CACNA2D1: variants seen among roughly 807,000 people sequenced by gnomAD.
CACNA2D1 encodes calcium voltage-gated channel auxiliary subunit alpha2delta 1, also known as voltage-dependent calcium channel subunit alpha-2/delta-1.
CACNA2D1 carries 53 observed loss-of-function variants against 171.5 expected under a neutral mutation model. The ratio of observed to expected loss-of-function variants is 0.31; its 90% CI spans 0.25 to 0.39. The LOEUF (loss-of-function observed/expected upper bound fraction) is 0.39. Ranked by LOEUF, CACNA2D1 falls within the 10% of genes least tolerant of loss-of-function variation. CACNA2D1 has a pLI of 1.00. For missense variants in CACNA2D1, 903 were observed against 1,299.8 expected, an observed-to-expected ratio of 0.69 and a Z score of 4.69; for synonymous variants, 442 against 443.1, an observed-to-expected ratio of 1.00 and a Z score of 0.03.
intron 1 of CACNA2D1, among the ~76,000 whole-genome samples, chr7:82,388,899 G>A (rs1227307526): frequency 6.6e-6 from 1 of 151,778 alleles, no homozygotes; most frequent in Non-Finnish European, 1.5e-5. Flanking sequence ...GCGGATGACT[G>A]GAGGCAGGGA....
intron 3 of CACNA2D1, among the ~76,000 whole-genome samples, chr7:82,284,239 T>C (rs1585332702): frequency 6.7e-6 from 1 of 149,268 alleles, no homozygotes; most frequent in Admixed American, 6.7e-5. Flanking sequence ...AAGAAAAAGG[T>C]AAATCTACAC....
intron 25 of CACNA2D1, among the ~76,000 whole-genome samples, chr7:81,973,331 T>G (rs1366884872): frequency 6.6e-6 from 1 of 152,070 alleles, no homozygotes; most frequent in Non-Finnish European, 1.5e-5. Flanking sequence ...ATCATCATGT[T>G]AAGACATGAT....
chr7:82,240,810 T>C (rs1312959052), intron 3 of CACNA2D1, among the ~76,000 whole-genome samples: 1 of 151,780 alleles, frequency 6.6e-6, no homozygotes, highest in East Asian at 1.9e-4. Context: ...CTACTAAAAA[T>C]ACAAAAATTA....
chr7:82,010,594 G>A (rs923737635), intron 15 of CACNA2D1, among the ~76,000 whole-genome samples: 2 of 152,038 alleles, frequency 1.3e-5, no homozygotes, highest in East Asian at 3.9e-4. Context: ...GCAACATTTT[G>A]ACCACAGCTT....
At chr7:82,275,265 G>C (rs1306271977) in intron 3 of CACNA2D1, among the ~76,000 whole-genome samples, 2 of 152,082 alleles carry the variant, frequency 1.3e-5, no homozygotes, top group African/African-American at 4.8e-5. Flanking sequence ...AAAAGAACTG[G>C]AAACAATACC....
chr7:82,026,721 C>A (rs964865183), intron 12 of CACNA2D1, among the ~76,000 whole-genome samples: 3 of 151,614 alleles, frequency 2.0e-5, no homozygotes, highest in Admixed American at 6.6e-5. Context: ...AGAACATGTT[C>A]CTCAATTCAT....
intron 11 of CACNA2D1, among the ~76,000 whole-genome samples, chr7:82,033,705 CT>C (rs1347832174): frequency 6.6e-6 from 1 of 152,032 alleles, no homozygotes; most frequent in African/African-American, 2.4e-5. Flanking sequence ...TCTTCTTACA[CT>C]TTAAGGTCTC....
chr7:82,056,711 T>C (rs1232303617), intron 10 of CACNA2D1, among the ~76,000 whole-genome samples: 1 of 152,130 alleles, frequency 6.6e-6, no homozygotes, highest in African/African-American at 2.4e-5. Flanking sequence ...AATTATTATA[T>C]TGCATTTTAC....
At chr7:82,421,959 G>A (rs987935615) in intron 1 of CACNA2D1, among the ~76,000 whole-genome samples, 7 of 152,058 alleles carry the variant, frequency 4.6e-5, no homozygotes, top group Admixed American at 1.3e-4. Flanking sequence ...AACATACTTC[G>A]TCTTTTATTC....
chr7:82,246,531 T>C (rs1804942484), intron 3 of CACNA2D1, among the ~76,000 whole-genome samples: 1 of 152,208 alleles, frequency 6.6e-6, no homozygotes, highest in South Asian at 2.1e-4. Context: ...GCCTCTTCTT[T>C]AAGCCCTGTC....
At chr7:82,296,755 T>C (rs541888495) in intron 3 of CACNA2D1, among the ~76,000 whole-genome samples, 19 of 152,076 alleles carry the variant, frequency 1.2e-4, no homozygotes, top group Non-Finnish European at 2.2e-4. Context: ...TAATTGCATA[T>C]GTAGGTGAAT....
chr7:82,371,584 A>G (rs1822417704), intron 1 of CACNA2D1, among the ~76,000 whole-genome samples: 1 of 151,470 alleles, frequency 6.6e-6, no homozygotes, highest in Non-Finnish European at 1.5e-5. Flanking sequence ...TTATTTTATT[A>G]TTATTATTAT....
intron 6 of CACNA2D1, among the ~76,000 whole-genome samples, chr7:82,102,509 C>T (rs1225052594): frequency 6.9e-6 from 1 of 145,602 alleles, no homozygotes; most frequent in Non-Finnish European, 1.5e-5. Flanking sequence ...CGCACACACA[C>T]ATATATAATT....
At chr7:82,115,119 G>A (rs1174646871) in intron 6 of CACNA2D1, among the ~76,000 whole-genome samples, 5 of 152,144 alleles carry the variant, frequency 3.3e-5, no homozygotes, top group African/African-American at 4.8e-5. Context: ...GTGCCATGAT[G>A]TACAGAGTAC....
At chr7:82,375,179 C>T (rs914402684) in intron 1 of CACNA2D1, among the ~76,000 whole-genome samples, 1 of 152,126 alleles carries the variant, frequency 6.6e-6, no homozygotes, top group Non-Finnish European at 1.5e-5. Flanking sequence ...ATGTCCCACC[C>T]TCACATGCCC....
chr7:82,129,692 C>T (rs1273388374), intron 5 of CACNA2D1, among the ~76,000 whole-genome samples: 2 of 152,096 alleles, frequency 1.3e-5, no homozygotes, highest in Admixed American at 6.5e-5. Context: ...AAGAATTTTC[C>T]TCTGTGTCTT....
chr7:82,009,432 A>G (rs746154140), intron 15 of CACNA2D1, among the ~76,000 whole-genome samples: 48 of 152,228 alleles, frequency 3.2e-4, no homozygotes, highest in Non-Finnish European at 1.8e-4. Flanking sequence ...AATGCTTCCA[A>G]TGAAAACCTC....
chr7:82,086,677 A>G (rs765235795), intron 6 of CACNA2D1, among the ~76,000 whole-genome samples: 1 of 152,188 alleles, frequency 6.6e-6, no homozygotes, highest in East Asian at 1.9e-4. Flanking sequence ...ACAAATGTTT[A>G]TTTATGATCC....
intron 3 of CACNA2D1, among the ~76,000 whole-genome samples, chr7:82,213,836 C>A (rs1008816347): frequency 2.0e-5 from 3 of 152,036 alleles, no homozygotes; most frequent in Non-Finnish European, 4.4e-5. Flanking sequence ...CCCTGCTTAC[C>A]CCTTTTCCAC....
Sources: allele counts gnomAD v4.1 joint callset (sites outside exome capture counted in the v4.1 genomes callset), GRCh38; gene constraint gnomAD v4.1.1; transcripts MANE v1.5; gene names NCBI Gene and HGNC (gene_info 2026-07-23, HGNC 2026-07-21).